Variants in SMURF1 observed in about 807,000 individuals in gnomAD.
SMURF1 encodes the protein SMAD specific E3 ubiquitin protein ligase 1, also known as E3 ubiquitin-protein ligase SMURF1.
A neutral mutation model predicts 98.0 loss-of-function variants in SMURF1; 44 were observed. The ratio of observed to expected loss-of-function variants is 0.45; its 90% CI spans 0.35 to 0.58. The LOEUF is 0.58. SMURF1 is among the 20% of genes least tolerant of loss of function. SMURF1 has a pLI of 0.00. For synonymous variants in SMURF1, 396 were observed against 374.9 expected, an observed-to-expected ratio of 1.06 and a Z score of -0.65; for missense variants, 687 against 938.4, an observed-to-expected ratio of 0.73 and a Z score of 3.50.
chr7:99,070,087 T>G (rs1438831428), intron 1 of SMURF1, among the ~76,000 whole-genome samples: 1 of 152,180 alleles, frequency 6.6e-6, no homozygotes. Context: ...TTGCACTAAA[T>G]TAAAAATAAA....
chr7:99,073,723 G>T (rs994374919), intron 1 of SMURF1, among the ~76,000 whole-genome samples: 5 of 150,602 alleles, frequency 3.3e-5, no homozygotes, highest in Non-Finnish European at 7.4e-5. Context: ...CCAAAATCAT[G>T]CCACTGCACT....
chr7:99,059,788 A>C (rs1795987013), intron 3 of SMURF1, among the ~76,000 whole-genome samples: 1 of 151,612 alleles, frequency 6.6e-6, no homozygotes, highest in African/African-American at 2.4e-5. Context: ...GATGCCTGTA[A>C]TTCCAGCTAC....
chr7:99,076,535 C>T (rs1796463091), intron 1 of SMURF1, among the ~76,000 whole-genome samples: 1 of 152,132 alleles, frequency 6.6e-6, no homozygotes, highest in Non-Finnish European at 1.5e-5. Flanking sequence ...TCAAGATCAT[C>T]AAAAGCAAGG....
In SMURF1 at chr7:99,030,457, A is replaced by G. The variant is rs1166710266; in HGVS notation, c.*127T>C. 1.0e-5 allele frequency: 8 copies of G among 778,352 alleles called. No individual in the cohort carries two copies. Among genetic ancestry groups the G allele is most frequent in the Non-Finnish European group, 1.7e-5 (8 of 466,162 alleles). 48.2% of individuals were successfully genotyped at this position (778,352 alleles called of 1,614,324 possible). A position where few individuals can be genotyped will look rare whatever the true frequency, so the allele number is the denominator to read the frequency against. ...CCCCCTCCCCCAACAGAAAGGAGAG[A>G]GACAACCCTTTCCCCTCAGGTGATC... On this transcript the variant is annotated 3_prime_UTR_variant, in exon 18 of 18. Transcript: ENST00000361368.
chr7:99,068,928 A>G (rs951356950), intron 1 of SMURF1, among the ~76,000 whole-genome samples: 9 of 152,294 alleles, frequency 5.9e-5, no homozygotes, highest in African/African-American at 1.9e-4. Context: ...GCCTCACTCA[A>G]GCCAGTGTTT....
At chr7:99,056,703 TA>T (rs1795883720) in intron 5 of SMURF1, among the ~76,000 whole-genome samples, 1 of 152,096 alleles carries the variant, frequency 6.6e-6, no homozygotes, top group Admixed American at 6.6e-5. Flanking sequence ...TACTCAACTT[TA>T]AAAGCCAAGA....
chr7:99,069,232 G>A (rs1796268228), intron 1 of SMURF1, among the ~76,000 whole-genome samples: 1 of 152,154 alleles, frequency 6.6e-6, no homozygotes, highest in Non-Finnish European at 1.5e-5. Flanking sequence ...AACCATCAGT[G>A]ATCAGCTCCC....
intron 11 of SMURF1, among the ~76,000 whole-genome samples, chr7:99,044,348 T>G (rs570583534): frequency 6.6e-6 from 1 of 152,216 alleles, no homozygotes; most frequent in South Asian, 2.1e-4. Context: ...TTGGAAAAAT[T>G]AGAATTTGTT....
intron 1 of SMURF1, among the ~76,000 whole-genome samples, chr7:99,065,797 C>G (rs555953388): frequency 1.3e-5 from 2 of 152,172 alleles, no homozygotes; most frequent in African/African-American, 4.8e-5. Flanking sequence ...CCTGTAATCC[C>G]AGCACTTTGG....
At chr7:99,112,683 C>G (rs1312991721) in intron 1 of SMURF1, among the ~76,000 whole-genome samples, 11 of 152,072 alleles carry the variant, frequency 7.2e-5, no homozygotes, top group African/African-American at 2.7e-4. Flanking sequence ...ACTTACTAGA[C>G]AAAGACTATT....
At chr7:99,078,010 G>A (rs1796502050) in intron 1 of SMURF1, among the ~76,000 whole-genome samples, 1 of 152,000 alleles carries the variant, frequency 6.6e-6, no homozygotes, top group Non-Finnish European at 1.5e-5. Flanking sequence ...AAAAATAGTG[G>A]CACCAGTGCC....
intron 1 of SMURF1, among the ~76,000 whole-genome samples, chr7:99,131,342 C>T (rs541618771): frequency 3.9e-5 from 6 of 152,124 alleles, no homozygotes; most frequent in African/African-American, 9.6e-5. Flanking sequence ...ACCCTCCTCA[C>T]CCGGCCTGAG....
At chr7:99,104,075 T>A (rs768987053) in intron 1 of SMURF1, among the ~76,000 whole-genome samples, 1 of 151,948 alleles carries the variant, frequency 6.6e-6, no homozygotes, top group Non-Finnish European at 1.5e-5. Context: ...TTAGTAGAGA[T>A]GGGGTTTCAC....
In SMURF1 at chr7:99,048,243, GC is replaced by G. The variant is rs576646793; in HGVS notation, c.954-362del. The G allele has an allele frequency of 4.1e-3, 956 of 234,954 alleles. 7 individuals are homozygous for G. Among genetic ancestry groups the G allele is most frequent in the African/African-American group, 0.021 (915 of 44,028 alleles). 14.6% of individuals were successfully genotyped at this position (234,954 alleles called of 1,614,324 possible). A position where few individuals can be genotyped will look rare whatever the true frequency, so the allele number is the denominator to read the frequency against. ...TCTCTACTAAAAATACAAAAAATTA[GC>G]CAGGTGTGGTGGTGGGCACTTATAA... is the stretch of plus-strand genomic sequence containing the variant. On this transcript the variant is annotated intron_variant, in intron 9 of 17. Coordinates refer to ENST00000361368, the MANE Select transcript of SMURF1 (RefSeq NM_181349.3).
chr7:99,035,940 G>C (rs1338239924), intron 15 of SMURF1: 1 of 571,752 alleles, frequency 1.7e-6, no homozygotes, highest in Admixed American at 3.0e-5. Context: ...AAGGACCGCG[G>C]TGCACAGCTG....
intron 1 of SMURF1, among the ~76,000 whole-genome samples, chr7:99,142,796 G>A (rs1345431451): frequency 2.0e-5 from 3 of 150,844 alleles, no homozygotes; most frequent in Admixed American, 1.3e-4. Context: ...CAGGTGGGAG[G>A]GAAAACAGGA....
chr7:99,082,062 A>AT (rs1222850730), intron 1 of SMURF1, among the ~76,000 whole-genome samples: 1 of 152,200 alleles, frequency 6.6e-6, no homozygotes, highest in African/African-American at 2.4e-5. Context: ...TCATGGGCTT[A>AT]TTGGCCATGT....
chr7:99,044,287 G>A (rs141325613), intron 11 of SMURF1, among the ~76,000 whole-genome samples: 209 of 152,234 alleles, frequency 1.4e-3, no homozygotes, highest in African/African-American at 4.4e-3. Context: ...ACTCCAGCCT[G>A]GGCCATAGAG....
intron 1 of SMURF1, among the ~76,000 whole-genome samples, chr7:99,115,603 A>G (rs899493258): frequency 3.9e-5 from 6 of 152,144 alleles, no homozygotes; most frequent in Non-Finnish European, 8.8e-5. Context: ...AAGAGAAACT[A>G]GGGACACTAC....
Sources: allele counts gnomAD v4.1 joint callset (sites outside exome capture counted in the v4.1 genomes callset), GRCh38; gene constraint gnomAD v4.1.1; transcripts MANE v1.5; gene names NCBI Gene and HGNC (gene_info 2026-07-23, HGNC 2026-07-21).